HEXB: variants seen among roughly 807,000 people sequenced by gnomAD.
HEXB encodes the protein beta-hexosaminidase subunit beta.
In HEXB, 51 loss-of-function variants were observed where a neutral mutation model predicts 71.2. The ratio of observed to expected loss-of-function variants is 0.72; its 90% CI spans 0.57 to 0.90. HEXB has a LOEUF of 0.90. Among genes scored for constraint, HEXB ranks in the 40% least tolerant of loss-of-function variants. HEXB has a pLI of 0.00. For missense variants in HEXB, 617 were observed against 677.0 expected, an observed-to-expected ratio of 0.91 and a Z score of 0.98; for synonymous variants, 266 against 249.3, an observed-to-expected ratio of 1.07 and a Z score of -0.63.
upstream of HEXB, among the ~76,000 whole-genome samples, chr5:74,684,434 T>C (rs759019803): frequency 2.6e-5 from 4 of 152,216 alleles, no homozygotes; most frequent in African/African-American, 4.8e-5. Flanking sequence ...GAAGGCTTTA[T>C]TGACCACAGC....
chr5:74,669,998 C>A (rs901661624), intron 1 of HEXB, among the ~76,000 whole-genome samples: 3 of 152,154 alleles, frequency 2.0e-5, no homozygotes, highest in African/African-American at 7.2e-5. Context: ...CAATCCTAGG[C>A]AGACAGGGGT....
chr5:74,705,190 A>C, intron 5 of HEXB, 29 bp from the exon 6 acceptor site: 27 of 1,234,070 alleles, frequency 2.2e-5, no homozygotes, highest in Non-Finnish European at 2.8e-5. Flanking sequence ...TATCTGCAGT[A>C]AATAATTTTT....
chr5:74,683,754 A>G (rs1398107848), upstream of HEXB, among the ~76,000 whole-genome samples: 3 of 151,814 alleles, frequency 2.0e-5, no homozygotes. Context: ...AGTATTCAAC[A>G]TGCCAAAGTG....
chr5:74,705,349 CA>C, intron 6 of HEXB, 29 bp downstream of exon 6: 1 of 1,152,064 alleles, frequency 8.7e-7, no homozygotes, highest in Non-Finnish European at 1.3e-6. Flanking sequence ...ACTCTGTCTA[CA>C]AAAACATTGG....
intron 5 of HEXB, among the ~76,000 whole-genome samples, chr5:74,704,926 G>A (rs1219531699): frequency 6.6e-6 from 1 of 151,614 alleles, no homozygotes; most frequent in East Asian, 1.9e-4. Flanking sequence ...ACCCTGTTTC[G>A]ACAAAAAATA....
chr5:74,720,653 A>G lies in HEXB; in HGVS notation c.1519A>G (p.Ser507Gly). Residue 507 changes from serine to glycine, a missense_variant, in exon 13 of 14, where the codon AGT (serine) becomes GGT (glycine). Coordinates refer to ENST00000261416, the MANE Select transcript of HEXB (RefSeq NM_000521.4). ...NLTPRLWPRA[S>G]AVGERLWSSK... ...TGATTTAAATTTTAGGCCTCGGGCA[A>G]GTGCTGTTGGTGAGAGACTCTGGAG... is the stretch of plus-strand genomic sequence containing the variant. 6.2e-7 allele frequency: 1 copy of G among 1,614,100 alleles called. No individual in the cohort carries two copies. The highest frequency in any genetic ancestry group is 8.5e-7 in the Non-Finnish European group (1 of 1,179,956).
chr5:74,716,264 G>A (rs1749671198), intron 8 of HEXB, among the ~76,000 whole-genome samples: 1 of 152,016 alleles, frequency 6.6e-6, no homozygotes, highest in African/African-American at 2.4e-5. Context: ...TGTGAAATGA[G>A]AACACCTTTA....
In HEXB at chr5:74,720,632, T is replaced by C. The variant is rs1472965709; in HGVS notation, c.1509-11T>C. ...AACTGCTTGCGGGGGGATGTGTGAT[T>C]TAAATTTTAGGCCTCGGGCAAGTGC... On this transcript the variant is annotated splice_polypyrimidine_tract_variant and intron_variant, in intron 12 of 13. Coordinates refer to ENST00000261416, the MANE Select transcript of HEXB (RefSeq NM_000521.4). 6.2e-7 allele frequency: 1 copy of C among 1,613,446 alleles called. No individual in the cohort carries two copies. The highest frequency in any genetic ancestry group is 1.1e-5 in the South Asian group (1 of 91,072).
intron 5 of HEXB, among the ~76,000 whole-genome samples, chr5:74,701,839 A>T (rs537991299): frequency 6.6e-6 from 1 of 152,112 alleles, no homozygotes; most frequent in East Asian, 1.9e-4. Context: ...ATACCCCCTT[A>T]ATATTTCAGG....
chr5:74,644,980 C>T (rs548602968), intron 1 of HEXB, among the ~76,000 whole-genome samples: 36 of 151,862 alleles, frequency 2.4e-4, no homozygotes, highest in Non-Finnish European at 4.9e-4. Flanking sequence ...TCATGTTGAC[C>T]AAGCTGGTCT....
Position 74,685,493 on chromosome 5 carries a change from A to G in HEXB, c.233A>G (p.Tyr78Cys). 1 of 1,609,796 alleles carries G rather than the reference A, an allele frequency of 6.2e-7. No homozygotes were observed. The highest frequency in any genetic ancestry group is 8.5e-7 in the Non-Finnish European group (1 of 1,178,420). Residue 78 changes from tyrosine (Y) to cysteine (C), a missense_variant, in exon 1 of 14, where the codon TAC (tyrosine) becomes TGC (cysteine). Coordinates refer to ENST00000261416, the MANE Select transcript of HEXB (RefSeq NM_000521.4). Reference sequence around the variant, plus strand: ...CTGCATCTCGCCCCGGAGAACTTCTACATCAGCCACAGCCCCAATTCCACG... The same window carrying G: ...CTGCATCTCGCCCCGGAGAACTTCTGCATCAGCCACAGCCCCAATTCCACG... Reference protein sequence around the residue: ...NLLHLAPENFYISHSPNSTAG... With the variant: ...NLLHLAPENFCISHSPNSTAG...
chr5:74,716,758 T>C, intron 9 of HEXB, 85 bp downstream of exon 9: 1 of 870,516 alleles, frequency 1.1e-6, no homozygotes. Context: ...ACATTTTCTC[T>C]ACATCCTTTG....
In HEXB at chr5:74,688,024, A is replaced by G. The variant is rs1468474430; in HGVS notation, c.300-1304A>G. On this transcript the variant is annotated intron_variant, in intron 1 of 13. Coordinates refer to ENST00000261416, the MANE Select transcript of HEXB (RefSeq NM_000521.4). Reference sequence around the variant, plus strand: ...TTTTATTTAGTGCCTTTACATTTTTATTTAATATTCTGATTTTTGGATACC... The same window carrying G: ...TTTTATTTAGTGCCTTTACATTTTTGTTTAATATTCTGATTTTTGGATACC... 2.0e-5 allele frequency among the ~76,000 whole-genome samples: 3 copies of G among 152,078 alleles called. No homozygotes were observed. In the East Asian group the frequency reaches 5.8e-4, roughly 29 times the overall value.
chr5:74,696,970 T>G (rs746196408), intron 4 of HEXB, 26 bp from the exon 5 acceptor site: 23 of 1,252,572 alleles, frequency 1.8e-5, no homozygotes, highest in African/African-American at 2.9e-5. Flanking sequence ...ATTCTAAAAC[T>G]AAATCAAAAT....
chr5:74,675,193 G>A (rs1024669807), intron 1 of HEXB, among the ~76,000 whole-genome samples: 1 of 152,172 alleles, frequency 6.6e-6, no homozygotes, highest in Non-Finnish European at 1.5e-5. Context: ...AAGGTAAGAG[G>A]ATTCCTGCTG....
chr5:74,683,300 T>C (rs1417361827), upstream of HEXB, among the ~76,000 whole-genome samples: 2 of 151,844 alleles, frequency 1.3e-5, no homozygotes, highest in Middle Eastern at 6.3e-3. Context: ...CTCTAGTTTC[T>C]TCTTTTTTTT....
At chr5:74,698,927 G>A (rs1290130468) in intron 5 of HEXB, among the ~76,000 whole-genome samples, 1 of 151,804 alleles carries the variant, frequency 6.6e-6, no homozygotes, top group African/African-American at 2.4e-5. Context: ...GCTCACGCCT[G>A]TAATCCCAGC....
At chr5:74,699,286 T>G (rs982397174) in intron 5 of HEXB, among the ~76,000 whole-genome samples, 3 of 150,426 alleles carry the variant, frequency 2.0e-5, no homozygotes, top group African/African-American at 7.3e-5. Context: ...TTTTTTTTCT[T>G]TTTGTGAGAC....
At position 74,685,390 on chromosome 5, in the gene HEXB, C is replaced by G; in HGVS notation, c.130C>G (p.Arg44Gly). ...ALVVQVAEAA[R>G]APSVSAKPGP... ...GGTGGTGCAGGTGGCGGAGGCGGCT[C>G]GGGCCCCGAGCGTCTCGGCCAAGCC... is the stretch of plus-strand genomic sequence containing the variant. The change falls in exon 1 of 14, where the codon CGG becomes GGG. Residue 44 changes from arginine (R) to glycine (G), a missense_variant. Arg to Gly is a moderately radical substitution (Grantham distance 125). Coordinates refer to ENST00000261416, the MANE Select transcript of HEXB (RefSeq NM_000521.4). 1 of 1,592,390 alleles carries G rather than the reference C, an allele frequency of 6.3e-7. No individual in the cohort carries two copies.
Sources: allele counts gnomAD v4.1 joint callset (sites outside exome capture counted in the v4.1 genomes callset), GRCh38; gene constraint gnomAD v4.1.1; transcripts MANE v1.5; gene names NCBI Gene and HGNC (gene_info 2026-07-23, HGNC 2026-07-21).